Variants in MAP2 observed in about 807,000 individuals in gnomAD.
MAP2 encodes microtubule associated protein 2.
Under a neutral mutation model 137.6 loss-of-function variants are expected in MAP2, and 14 were observed. The observed-to-expected ratio is 0.10, with a 90% CI of 0.07 to 0.16. The LOEUF (loss-of-function observed/expected upper bound fraction) is 0.16. Among genes scored for constraint, MAP2 ranks in the 10% least tolerant of loss-of-function variants. MAP2 has a pLI of 1.00. For synonymous variants in MAP2, 786 were observed against 782.3 expected (o/e 1.00, Z -0.08); for missense variants, 2,088 against 2,191.5 (o/e 0.95, Z 0.94).
At chr2:209,494,640 A>T (rs2059535611) in intron 1 of MAP2, among the ~76,000 whole-genome samples, 1 of 152,168 alleles carries the variant, frequency 6.6e-6, no homozygotes, top group Non-Finnish European at 1.5e-5. Flanking sequence ...TAATCATACA[A>T]ATGGACAACC....
chr2:209,704,658 A>C (rs71420767), intron 11 of MAP2: 4 of 1,520,540 alleles, frequency 2.6e-6, no homozygotes, highest in Non-Finnish European at 2.6e-6. Flanking sequence ...AGAAAGAAAT[A>C]GAATTTGGGA....
Position 209,573,699 on chromosome 2 carries a change from G to A in MAP2, c.-171-6337G>A, listed in dbSNP as rs1305998810. 2.6e-5 allele frequency among the ~76,000 whole-genome samples: 4 copies of A among 152,210 alleles called. No individual in the cohort carries two copies. The East Asian group carries it at 5.8e-4, about 22-fold the overall frequency. ...CAGTGGTTTTTAATATATTCATAGA[G>A]TTATGCACTCATAACCATTACTTAA... On this transcript the variant is annotated intron_variant, in intron 2 of 15. Coordinates refer to ENST00000682079, the MANE Select transcript of MAP2 (RefSeq NM_001375505.1).
chr2:209,723,677 G>A, intron 13 of MAP2: 1 of 1,613,678 alleles, frequency 6.2e-7, no homozygotes. Flanking sequence ...CATTCGGCTG[G>A]GGGCGGAAAT....
chr2:209,483,282 G>A (rs2057956172), intron 1 of MAP2, among the ~76,000 whole-genome samples: 1 of 152,214 alleles, frequency 6.6e-6, no homozygotes, highest in Non-Finnish European at 1.5e-5. Context: ...AGAGAAGAAT[G>A]TGAGTGTTAT....
intron 1 of MAP2, among the ~76,000 whole-genome samples, chr2:209,437,132 G>A (rs1001562878): frequency 6.6e-6 from 1 of 151,654 alleles, no homozygotes; most frequent in African/African-American, 2.4e-5. Flanking sequence ...TATAATGTGT[G>A]TGTGAATATG....
chr2:209,727,641 A>T (rs3820746), intron 14 of MAP2, among the ~76,000 whole-genome samples: 15,686 of 152,276 alleles, frequency 0.1, 956 homozygotes, highest in East Asian at 0.23. Context: ...AATGTGGAAT[A>T]TCTAAAGAGA....
Position 209,598,717 on chromosome 2 carries a change from A to G in MAP2, c.-107+18617A>G, listed in dbSNP as rs1416094930. On this transcript the variant is annotated intron_variant, in intron 3 of 15. Transcript: ENST00000682079. ...GTGGTGTTTGGTTTTTTGTTCTTGC[A>G]ATAGTTTACTGAGAATGATGATTTC... Among the ~76,000 whole-genome samples, 29 of 147,550 alleles carry G rather than the reference A, an allele frequency of 2.0e-4. 1 individual carries two copies. Among genetic ancestry groups the G allele is most frequent in the African/African-American group, 3.7e-4 (15 of 40,186 alleles).
chr2:209,680,743 T>C lies in MAP2; in HGVS notation c.377-7T>C, dbSNP rs375348538. 6.2e-7 allele frequency: 1 copy of C among 1,612,354 alleles called. No individual in the cohort carries two copies. On this transcript the variant is annotated splice_region_variant and splice_polypyrimidine_tract_variant and intron_variant, in intron 6 of 15. Transcript: ENST00000682079. ...TGCATCTCATTTTTCTATTGTTTGA[T>C]CTTTAGCAGCTGAAGAAACAGCTAA...
At chr2:209,676,040 T>A (rs1010586546) in intron 5 of MAP2, among the ~76,000 whole-genome samples, 4 of 151,848 alleles carry the variant, frequency 2.6e-5, no homozygotes, top group African/African-American at 7.2e-5. Context: ...TCAAAAAAAA[T>A]TCTGTTAAGC....
chr2:209,524,425 A>T (rs1221790855), intron 2 of MAP2, among the ~76,000 whole-genome samples: 1 of 152,070 alleles, frequency 6.6e-6, no homozygotes, highest in African/African-American at 2.4e-5. Flanking sequence ...CATTGGAATC[A>T]TTTAGATTTG....
In MAP2 at chr2:209,732,101, T is replaced by G. The variant is rs76792277; in HGVS notation, c.*1704T>G. The G allele has an allele frequency of 6.6e-6, 1 of 152,138 alleles. No individual in the cohort carries two copies. Among genetic ancestry groups the G allele is most frequent in the African/African-American group, 2.4e-5 (1 of 41,394 alleles). 9.4% of individuals were successfully genotyped at this position (152,138 alleles called of 1,614,324 possible). On this transcript the variant is annotated 3_prime_UTR_variant, in exon 16 of 16. Transcript: ENST00000682079. ...ATCTGTTCTTTTTCTTGCTCAGGGC[T>G]GGTAGGTTGGATCTGAACCATTAAA...
intron 1 of MAP2, among the ~76,000 whole-genome samples, chr2:209,462,995 A>G (rs146774093): frequency 2.6e-5 from 4 of 152,158 alleles, no homozygotes; most frequent in African/African-American, 7.2e-5. Context: ...ACACACACAC[A>G]CACGTGCACA....
chr2:209,596,462 A>G (rs1284350147), intron 3 of MAP2, among the ~76,000 whole-genome samples: 1 of 152,214 alleles, frequency 6.6e-6, no homozygotes, highest in African/African-American at 2.4e-5. Flanking sequence ...TTTGCAGAGG[A>G]TAAGTCGCCA....
intron 5 of MAP2, among the ~76,000 whole-genome samples, chr2:209,654,628 A>G (rs1014069229): frequency 6.6e-6 from 1 of 152,168 alleles, no homozygotes; most frequent in Non-Finnish European, 1.5e-5. Context: ...ATATTTTTCT[A>G]TAGCTGAGTA....
intron 13 of MAP2, among the ~76,000 whole-genome samples, chr2:209,719,885 C>A (rs2069509286): frequency 6.6e-6 from 1 of 152,154 alleles, no homozygotes; most frequent in South Asian, 2.1e-4. Flanking sequence ...GCAAATAAAT[C>A]ACCAATGTTT....
chr2:209,733,052 C>T lies in MAP2; in HGVS notation c.*2655C>T, dbSNP rs1371256050. The T allele has an allele frequency of 1.3e-5, 2 of 152,538 alleles. No individual in the cohort carries two copies. The highest frequency in any genetic ancestry group is 2.9e-5 in the Non-Finnish European group (2 of 68,040). The allele number at this position is 152,538 out of a possible 1,614,324, so 9.4% of individuals were successfully genotyped here. On this transcript the variant is annotated 3_prime_UTR_variant, in exon 16 of 16. Transcript: ENST00000682079. The stretch of plus-strand genomic sequence containing the variant: ...CACCACTCTTGTGGGGACACACATA[C>T]GCTGATCTAGGAATGAAATCTTCGT...
intron 7 of MAP2, among the ~76,000 whole-genome samples, chr2:209,685,024 T>C (rs943579388): frequency 1.3e-5 from 2 of 152,122 alleles, no homozygotes; most frequent in African/African-American, 4.8e-5. Flanking sequence ...TTCACAGATA[T>C]CTTCTCATTT....
At chr2:209,581,095 TA>T (rs1272333006) in intron 3 of MAP2, among the ~76,000 whole-genome samples, 3 of 152,086 alleles carry the variant, frequency 2.0e-5, no homozygotes, top group Non-Finnish European at 4.4e-5. Flanking sequence ...TGAAATATTA[TA>T]AGTATGTGAG....
intron 1 of MAP2, among the ~76,000 whole-genome samples, chr2:209,426,975 C>A (rs529603279): frequency 6.6e-6 from 1 of 152,158 alleles, no homozygotes; most frequent in Non-Finnish European, 1.5e-5. Flanking sequence ...ATTTTACTAG[C>A]AGTTAGACAA....
Sources: gnomAD v4.1 joint callset for allele counts (sites outside exome capture counted in the v4.1 genomes callset) on GRCh38, gnomAD v4.1.1 for gene constraint, MANE v1.5 for transcripts, NCBI Gene and HGNC (gene_info 2026-07-23, HGNC 2026-07-21) for gene names.